Variants in CNTNAP4 observed in about 807,000 individuals in gnomAD.
CNTNAP4 encodes the protein contactin-associated protein-like 4.
A neutral mutation model predicts 148.4 loss-of-function variants in CNTNAP4; 98 were observed. The observed-to-expected ratio is 0.66, with a 90% CI of 0.56 to 0.78. The LOEUF is 0.78. Ranked by LOEUF, CNTNAP4 falls within the 30% of genes least tolerant of loss-of-function variation. CNTNAP4 has a pLI of 0.00. For missense variants in CNTNAP4, 1,935 were observed against 1,565.6 expected (o/e 1.24, Z -3.98); for synonymous variants, 730 against 565.1 (o/e 1.29, Z -4.14).
intron 1 of CNTNAP4, among the ~76,000 whole-genome samples, chr16:76,286,222 G>GA (rs1958879423): frequency 7.9e-6 from 1 of 126,834 alleles, no homozygotes; most frequent in African/African-American, 2.7e-5. Flanking sequence ...TGTGTGTGAA[G>GA]ATAACTGTGG....
intron 21 of CNTNAP4, among the ~76,000 whole-genome samples, chr16:76,543,052 T>C (rs1022070223): frequency 6.6e-6 from 1 of 152,194 alleles, no homozygotes; most frequent in Non-Finnish European, 1.5e-5. Context: ...GAGATTCCTA[T>C]AGAATTAAAG....
At chr16:76,522,897 G>A (rs1014564739) in intron 17 of CNTNAP4, among the ~76,000 whole-genome samples, 6 of 151,394 alleles carry the variant, frequency 4.0e-5, no homozygotes, top group Admixed American at 6.6e-5. Flanking sequence ...TGAGTAGCTG[G>A]GATTACAGGT....
At chr16:76,555,362 AAAAC>A (rs1264284744) in intron 23 of CNTNAP4, among the ~76,000 whole-genome samples, 1 of 152,204 alleles carries the variant, frequency 6.6e-6, no homozygotes, top group African/African-American at 2.4e-5. Flanking sequence ...CAAAAAACCC[AAAAC>A]AAACAAAAAA....
At chr16:76,331,964 A>G (rs187154341) in intron 2 of CNTNAP4, among the ~76,000 whole-genome samples, 1 of 152,284 alleles carries the variant, frequency 6.6e-6, no homozygotes, top group Non-Finnish European at 1.5e-5. Context: ...TAAAAAAGGT[A>G]GTTTTACTAG....
chr16:76,371,983 A>G (rs554494119), intron 3 of CNTNAP4, among the ~76,000 whole-genome samples: 12 of 152,240 alleles, frequency 7.9e-5, no homozygotes, highest in African/African-American at 2.6e-4. Context: ...CTTACTTCCA[A>G]TGACATCTGT....
At chr16:76,347,975 T>G (rs1422696331) in intron 2 of CNTNAP4, among the ~76,000 whole-genome samples, 2 of 152,110 alleles carry the variant, frequency 1.3e-5, no homozygotes, top group Admixed American at 1.3e-4. Context: ...ACACCTGTTG[T>G]GTAGAGAATA....
chr16:76,301,558 A>T (rs1463087444), intron 1 of CNTNAP4, among the ~76,000 whole-genome samples: 1 of 152,224 alleles, frequency 6.6e-6, no homozygotes, highest in African/African-American at 2.4e-5. Context: ...CTGGAAGTAC[A>T]TGAGTTACCA....
chr16:76,449,723 T>C lies in CNTNAP4; in HGVS notation c.936T>C (p.Phe312=). The change falls in exon 7 of 24, where the codon TTT becomes TTC. Residue 312 remains phenylalanine (F), a synonymous_variant. Coordinates refer to ENST00000611870, the MANE Select transcript of CNTNAP4 (RefSeq NM_033401.5). ...CCATTTTTCTTTCTAAGATCAGCTT[T>C]GGAGGGATTCCAGCACCTGGAAAAT... The part of the protein sequence containing the change: ...NLMNLDYEIS[F]GGIPAPGKSV... The C allele has an allele frequency of 6.3e-7, 1 of 1,587,050 alleles. No individual in the cohort carries two copies. Among genetic ancestry groups the C allele is most frequent in the East Asian group, 2.3e-5 (1 of 44,252 alleles).
intron 2 of CNTNAP4, among the ~76,000 whole-genome samples, chr16:76,353,601 T>A (rs2012152423): frequency 6.6e-6 from 1 of 152,020 alleles, no homozygotes; most frequent in Non-Finnish European, 1.5e-5. Context: ...CCTAGATAAA[T>A]TGTTCAGATT....
At chr16:76,474,829 A>C (rs2143602748) in intron 10 of CNTNAP4, among the ~76,000 whole-genome samples, 1 of 152,332 alleles carries the variant, frequency 6.6e-6, no homozygotes, top group East Asian at 1.9e-4. Flanking sequence ...CCCTAACCTT[A>C]AAAAGTGGTT....
intron 9 of CNTNAP4, among the ~76,000 whole-genome samples, chr16:76,466,670 T>A (rs888549827): frequency 2.0e-5 from 3 of 152,050 alleles, no homozygotes; most frequent in African/African-American, 7.2e-5. Context: ...TATTTATTAT[T>A]TAAATAATTA....
At chr16:76,332,598 CA>C in intron 2 of CNTNAP4, among the ~76,000 whole-genome samples, 1 of 151,998 alleles carries the variant, frequency 6.6e-6, no homozygotes, top group African/African-American at 2.4e-5. Flanking sequence ...ACTGACATAA[CA>C]TTATTTATTT....
At chr16:76,386,610 G>GGTTTCTAA (rs148298624) in intron 3 of CNTNAP4, among the ~76,000 whole-genome samples, 2,375 of 152,166 alleles carry the variant, frequency 0.016, 67 homozygotes, top group African/African-American at 0.054. Context: ...AAACATAGTA[G>GGTTTCTAA]GTACTCAGGA....
intron 4 of CNTNAP4, among the ~76,000 whole-genome samples, chr16:76,434,418 C>T (rs537815300): frequency 2.0e-5 from 3 of 152,242 alleles, no homozygotes; most frequent in African/African-American, 4.8e-5. Flanking sequence ...TGGCTGCACA[C>T]CAGGTACCAG....
rs543263194 is a variant in CNTNAP4, at chr16:76,278,330, G to C, written c.85+583G>C. Among the ~76,000 whole-genome samples, 11 of 152,290 alleles carry C rather than the reference G, an allele frequency of 7.2e-5. No individual in the cohort carries two copies. The East Asian group carries it at 2.1e-3, about 29-fold the overall frequency. ...CGCTGCTAAGAGAATGAGACTTAGC[G>C]CTCTCCGGAAAGAGGAGCCTCTTCC... On this transcript the variant is annotated intron_variant, in intron 1 of 23. Transcript: ENST00000611870.
At chr16:76,456,548 C>A (rs1394249962) in intron 8 of CNTNAP4, among the ~76,000 whole-genome samples, 4 of 151,992 alleles carry the variant, frequency 2.6e-5, no homozygotes, top group Non-Finnish European at 5.9e-5. Flanking sequence ...ATGATTTTTC[C>A]CCACCTTCAT....
chr16:76,432,644 G>C (rs149374612), intron 4 of CNTNAP4: 1 of 152,302 alleles, frequency 6.6e-6, no homozygotes, highest in East Asian at 1.9e-4. Flanking sequence ...ATAAATGGGT[G>C]AAAGTGAATA....
chr16:76,317,827 T>G (rs185796410), intron 2 of CNTNAP4, among the ~76,000 whole-genome samples: 1 of 151,812 alleles, frequency 6.6e-6, no homozygotes, highest in Admixed American at 6.5e-5. Context: ...TAAGCTTAAG[T>G]TTATTTTAAA....
intron 23 of CNTNAP4, among the ~76,000 whole-genome samples, chr16:76,556,760 T>C (rs996785908): frequency 6.6e-6 from 1 of 152,132 alleles, no homozygotes; most frequent in Non-Finnish European, 1.5e-5. Flanking sequence ...ACAAAAGCAA[T>C]CATATTTATT....
Sources: gnomAD v4.1 joint callset for allele counts (sites outside exome capture counted in the v4.1 genomes callset) on GRCh38, gnomAD v4.1.1 for gene constraint, MANE v1.5 for transcripts, NCBI Gene and HGNC (gene_info 2026-07-23, HGNC 2026-07-21) for gene names.